The following ERAP1 variants were observed in gnomAD, a reference collection of about 807,000 sequenced individuals.
The protein encoded by ERAP1 is adipocyte-derived leucine aminopeptidase.
In ERAP1, 86 loss-of-function variants were observed where a neutral mutation model predicts 103.7. The ratio of observed to expected loss-of-function variants is 0.83; its 90% CI spans 0.70 to 0.99. The LOEUF (loss-of-function observed/expected upper bound fraction) is 0.99. ERAP1 is among the 50% of genes least tolerant of loss of function. The pLI is 0.00. For missense variants in ERAP1, 1,009 were observed against 1,128.4 expected, an observed-to-expected ratio of 0.89 and a Z score of 1.52; for synonymous variants, 398 against 402.4, an observed-to-expected ratio of 0.99 and a Z score of 0.13.
At chr5:96,902,212 A>G in the ERAP1 span, 6 of 1,155,966 alleles carry the variant, frequency 5.2e-6, no homozygotes, top group Non-Finnish European at 7.8e-6. Flanking sequence ...TCTGAGTCTG[A>G]CAATGTGAAA....
intron 3 of ERAP1, among the ~76,000 whole-genome samples, chr5:96,797,852 G>A (rs555033671): frequency 2.6e-5 from 4 of 152,212 alleles, no homozygotes; most frequent in Admixed American, 6.5e-5. Flanking sequence ...TTGATAACAC[G>A]GATGAGACAA....
intron 11 of ERAP1, among the ~76,000 whole-genome samples, chr5:96,787,139 T>C (rs1042030320): frequency 2.0e-5 from 3 of 152,244 alleles, no homozygotes; most frequent in African/African-American, 7.2e-5. Context: ...TATTTTGCTA[T>C]AAGGATATTT....
chr5:96,858,102 G>A, the ERAP1 span, among the ~76,000 whole-genome samples: 3 of 152,098 alleles, frequency 2.0e-5, no homozygotes, highest in African/African-American at 7.2e-5. Flanking sequence ...CTACCAGCAT[G>A]GTTTTGCTGT....
At chr5:96,780,336 C>G in intron 18 of ERAP1, 87 bp downstream of exon 18, 1 of 960,156 alleles carries the variant, frequency 1.0e-6, no homozygotes, top group South Asian at 1.7e-5. Flanking sequence ...TAACTCACCA[C>G]ACCCTCAAAG....
At chr5:96,786,748 G>A in intron 11 of ERAP1, 199 bp from the exon 12 acceptor site, 1 of 564,530 alleles carries the variant, frequency 1.8e-6, no homozygotes, top group Non-Finnish European at 3.2e-6. Flanking sequence ...TCCTTTTCTT[G>A]GACTCCTTGA....
chr5:96,883,682 A>T, the ERAP1 span: 1 of 1,101,808 alleles, frequency 9.1e-7, no homozygotes, highest in Non-Finnish European at 1.3e-6. Flanking sequence ...GCAGTTTGAG[A>T]AATCAAGTCT....
chr5:96,766,313 G>A (rs1285744461), intron 19 of ERAP1, among the ~76,000 whole-genome samples: 1 of 152,142 alleles, frequency 6.6e-6, no homozygotes, highest in Admixed American at 6.5e-5. Context: ...ATATTTATTT[G>A]AGCCAATATC....
intron 16 of ERAP1, among the ~76,000 whole-genome samples, chr5:96,781,465 AAT>A (rs1212404371): frequency 6.6e-6 from 1 of 152,122 alleles, no homozygotes; most frequent in Non-Finnish European, 1.5e-5. Context: ...AAATATTTTT[AAT>A]ATGTTGTCAT....
the ERAP1 span, chr5:96,910,188 C>T: frequency 0.54 from 85,821 of 158,700 alleles, 23,225 homozygotes; most frequent in Admixed American, 0.59. Context: ...TTGCTTGAAC[C>T]TGGGAAGCAG....
the ERAP1 span, among the ~76,000 whole-genome samples, chr5:96,908,042 GTTCT>G: frequency 6.6e-6 from 1 of 152,146 alleles, no homozygotes; most frequent in African/African-American, 2.4e-5. Flanking sequence ...ACAAAAGTTG[GTTCT>G]TTTTCATTTC....
At chr5:96,798,885 T>TTTTTTTTTTA (rs1777665177) in intron 3 of ERAP1, among the ~76,000 whole-genome samples, 2 of 150,526 alleles carry the variant, frequency 1.3e-5, no homozygotes, top group African/African-American at 2.4e-5. Context: ...TTTTTTTTTT[T>TTTTTTTTTTA]GAGATGGAGT....
Position 96,781,096 on chromosome 5 carries a change from C to T in ERAP1, c.2550G>A (p.Trp850Ter). The T allele has an allele frequency of 1.2e-6, 2 of 1,613,758 alleles. No individual in the cohort carries two copies. The highest frequency in any genetic ancestry group is 1.7e-6 in the Non-Finnish European group (2 of 1,179,948). ...GRNPVGYPLA[W>*]QFLRKNWNKL... Reference sequence around the variant, plus strand: ...TGTTCCAGTTTTTCCTCAGAAATTGCCAGGCCAGTGGGTATCCTACTGGGT... The same window carrying T: ...TGTTCCAGTTTTTCCTCAGAAATTGTCAGGCCAGTGGGTATCCTACTGGGT... The change falls in exon 17 of 19, where the codon TGG becomes TGA. Residue 850 changes from tryptophan (W) to a stop codon, truncating the protein, a stop_gained. Coordinates refer to ENST00000443439, the MANE Select transcript of ERAP1 (RefSeq NM_001040458.3). LOFTEE classifies it high-confidence loss of function.
At chr5:96,901,655 C>A in the ERAP1 span, 3 of 1,613,998 alleles carry the variant, frequency 1.9e-6, no homozygotes, top group Non-Finnish European at 2.5e-6. Flanking sequence ...TCCAGGAAGA[C>A]CCTGAATGGA....
At chr5:96,905,181 A>T in the ERAP1 span, among the ~76,000 whole-genome samples, 1 of 152,328 alleles carries the variant, frequency 6.6e-6, no homozygotes, top group South Asian at 2.1e-4. Context: ...CATGAATAGG[A>T]GGAGGAGATG....
At chr5:96,764,642 G>A (rs1215343480) in intron 19 of ERAP1, among the ~76,000 whole-genome samples, 2 of 152,040 alleles carry the variant, frequency 1.3e-5, no homozygotes, top group South Asian at 2.1e-4. Context: ...TGGCAGTGCC[G>A]AGCTCCATGG....
the ERAP1 span, chr5:96,884,062 CTATCTATCTATCTATCT>C: frequency 9.2e-6 from 6 of 649,788 alleles, no homozygotes; most frequent in Non-Finnish European, 1.5e-5. Context: ...ATCTATCTAT[CTATCTATCTATCTATCT>C]ATCATCATAA....
the ERAP1 span, chr5:96,909,660 C>G: frequency 6.2e-7 from 1 of 1,614,186 alleles, no homozygotes; most frequent in Non-Finnish European, 8.5e-7. Flanking sequence ...ACAGGATGCT[C>G]CGCTCGGCTC....
At chr5:96,866,142 T>G in the ERAP1 span, among the ~76,000 whole-genome samples, 5 of 152,242 alleles carry the variant, frequency 3.3e-5, no homozygotes, top group African/African-American at 1.2e-4. Flanking sequence ...TAGTGTTATC[T>G]ACATGCTTCA....
At chr5:96,807,571 A>T (rs1778779073) in intron 1 of ERAP1, among the ~76,000 whole-genome samples, 1 of 152,122 alleles carries the variant, frequency 6.6e-6, no homozygotes, top group South Asian at 2.1e-4. Context: ...AGGGACAGGG[A>T]CAGGGACCGG....
Sources: allele counts gnomAD v4.1 joint callset (sites outside exome capture counted in the v4.1 genomes callset), GRCh38; gene constraint gnomAD v4.1.1; transcripts MANE v1.5; gene names NCBI Gene and HGNC (gene_info 2026-07-23, HGNC 2026-07-21).